The following PZP variants were observed in gnomAD, a reference collection of about 807,000 sequenced individuals.
PZP encodes the protein pregnancy zone protein.
In PZP, 150 loss-of-function variants were observed where a neutral mutation model predicts 179.8. The ratio of observed to expected loss-of-function variants is 0.83; its 90% CI spans 0.73 to 0.96. PZP has a LOEUF of 0.96. Ranked by LOEUF, PZP falls within the 40% of genes least tolerant of loss-of-function variation. PZP has a pLI of 0.00. For synonymous variants in PZP, 624 were observed against 652.3 expected (o/e 0.96, Z 0.66); for missense variants, 1,689 against 1,764.0 (o/e 0.96, Z 0.76).
At chr12:9,157,069 G>T in intron 28 of PZP, 106 bp downstream of exon 28, 3 of 1,081,256 alleles carry the variant, frequency 2.8e-6, no homozygotes, top group Non-Finnish European at 4.0e-6. Context: ...TATCTATCCT[G>T]ATGCTCTCCC....
At chr12:9,198,293 A>C (rs961057539) in intron 7 of PZP, among the ~76,000 whole-genome samples, 1 of 152,058 alleles carries the variant, frequency 6.6e-6, no homozygotes, top group African/African-American at 2.4e-5. Flanking sequence ...TTGAGGCTAC[A>C]GTGAGCTAAG....
intron 35 of PZP, among the ~76,000 whole-genome samples, 186 bp from the exon 36 acceptor site, chr12:9,149,180 AAT>A (rs1940171778): frequency 6.6e-6 from 1 of 152,230 alleles, no homozygotes; most frequent in South Asian, 2.1e-4. Flanking sequence ...AGCCATAGCC[AAT>A]GTTAATAATA....
intron 15 of PZP, among the ~76,000 whole-genome samples, chr12:9,177,326 G>T (rs1037484173): frequency 1.3e-5 from 2 of 152,296 alleles, no homozygotes; most frequent in Middle Eastern, 3.4e-3. Context: ...AGGAACTGAG[G>T]CCTCCTGCCA....
the PZP span, among the ~76,000 whole-genome samples, chr12:9,143,229 A>T: frequency 3.0e-4 from 46 of 152,338 alleles, no homozygotes; most frequent in African/African-American, 8.4e-4. Flanking sequence ...GGTGCTGTTT[A>T]ATCTGTGACA....
chr12:9,163,176 T>A (rs1733378838), intron 21 of PZP, among the ~76,000 whole-genome samples: 1 of 150,528 alleles, frequency 6.6e-6, no homozygotes, highest in Admixed American at 6.6e-5. Context: ...GAGGTGGAGA[T>A]CAAGAAATTG....
At chr12:9,200,501 T>C in intron 6 of PZP, 53 bp from the exon 7 acceptor site, 1 of 1,358,460 alleles carries the variant, frequency 7.4e-7, no homozygotes, top group Admixed American at 1.9e-5. Flanking sequence ...TTATTGGAAA[T>C]ACAAATAATT....
chr12:9,189,147 T>C (rs1182135077), intron 13 of PZP, among the ~76,000 whole-genome samples: 2 of 152,134 alleles, frequency 1.3e-5, no homozygotes, highest in African/African-American at 2.4e-5. Context: ...GATAAAACTA[T>C]TTAAAAATGT....
intron 6 of PZP, 123 bp from the exon 7 acceptor site, chr12:9,200,571 G>C: frequency 1.3e-6 from 1 of 781,688 alleles, no homozygotes; most frequent in Non-Finnish European, 2.0e-6. Context: ...ACTTTCCAAT[G>C]TATCAACTTT....
intron 15 of PZP, among the ~76,000 whole-genome samples, chr12:9,173,427 A>G (rs1010292913): frequency 2.6e-5 from 4 of 152,194 alleles, no homozygotes; most frequent in African/African-American, 9.6e-5. Context: ...TAGAACCAAG[A>G]GCATACAAAC....
intron 13 of PZP, among the ~76,000 whole-genome samples, chr12:9,182,786 T>C (rs543878952): frequency 1.3e-5 from 2 of 152,288 alleles, no homozygotes; most frequent in East Asian, 3.9e-4. Flanking sequence ...GGGACTTGAG[T>C]AGATGGCCCA....
intron 22 of PZP, 59 bp downstream of exon 22, chr12:9,162,538 T>C: frequency 8.3e-7 from 1 of 1,199,206 alleles, no homozygotes; most frequent in Non-Finnish European, 1.2e-6. Context: ...CATTGTAACT[T>C]GAGGTTTATA....
downstream of PZP, among the ~76,000 whole-genome samples, chr12:9,145,838 T>C (rs772683734): frequency 2.0e-5 from 3 of 152,342 alleles, no homozygotes; most frequent in South Asian, 6.2e-4. Flanking sequence ...AGCAGGTTTG[T>C]ATTATTTTAC....
chr12:9,163,345 C>T (rs908536548), intron 21 of PZP, among the ~76,000 whole-genome samples: 7 of 149,716 alleles, frequency 4.7e-5, no homozygotes, highest in African/African-American at 9.9e-5. Context: ...CCCAGCTACT[C>T]GGGAGGCTGA....
In PZP at chr12:9,196,404, T is replaced by A. The variant is rs760143794; in HGVS notation, c.1018A>T (p.Thr340Ser). ...AATTTGAGTTTGGATACAATGTTTG[T>A]GATTTCACTGATCCTGTTTGCAGTG... ...EVTANRISEITNIVSKLKFVK... is the reference protein window; with the variant it reads ...EVTANRISEISNIVSKLKFVK... Residue 340 changes from threonine to serine, a missense_variant, in exon 10 of 36, where the codon ACA becomes TCA. By Grantham distance (58) the Thr-to-Ser change is moderately conservative (BLOSUM62 1). This residue lies in a region of PZP where 742 missense variants were observed against 730.5 expected (regional missense o/e 1.02). Transcript: ENST00000261336. 6.2e-7 allele frequency: 1 copy of A among 1,613,788 alleles called. No homozygotes were observed. The highest frequency in any genetic ancestry group is 2.2e-5 in the East Asian group (1 of 44,870).
intron 15 of PZP, among the ~76,000 whole-genome samples, chr12:9,175,083 A>G (rs1357051201): frequency 6.6e-6 from 1 of 152,240 alleles, no homozygotes; most frequent in Non-Finnish European, 1.5e-5. Context: ...TACAGTAACC[A>G]AAACAGCATG....
intron 13 of PZP, among the ~76,000 whole-genome samples, chr12:9,184,203 C>T (rs1942955512): frequency 6.6e-6 from 1 of 152,226 alleles, no homozygotes; most frequent in Non-Finnish European, 1.5e-5. Context: ...CCTACTCCTA[C>T]CACACAGCCA....
chr12:9,150,959 C>T, intron 33 of PZP, among the ~76,000 whole-genome samples: 1 of 152,214 alleles, frequency 6.6e-6, no homozygotes, highest in East Asian at 1.9e-4. Flanking sequence ...ACAACTGAGC[C>T]AACCCTATTC....
At chr12:9,137,459 G>A in the PZP span, among the ~76,000 whole-genome samples, 1 of 152,056 alleles carries the variant, frequency 6.6e-6, no homozygotes, top group Non-Finnish European at 1.5e-5. Flanking sequence ...TAGGAAGTGT[G>A]AGTCCTCCAG....
intron 35 of PZP, 140 bp from the exon 36 acceptor site, chr12:9,149,134 C>A: frequency 1.4e-6 from 1 of 739,076 alleles, no homozygotes; most frequent in Non-Finnish European, 2.4e-6. Context: ...GTTTATATGC[C>A]ATGTGGTCTG....
Sources: allele counts gnomAD v4.1 joint callset (sites outside exome capture counted in the v4.1 genomes callset), GRCh38; gene constraint gnomAD v4.1.1; regional missense constraint gnomAD v4.1.1; transcripts MANE v1.5; gene names NCBI Gene and HGNC (gene_info 2026-07-23, HGNC 2026-07-21).